The following COL23A1 variants were observed in gnomAD, a reference collection of about 807,000 sequenced individuals.
COL23A1 encodes the protein collagen type XXIII alpha 1 chain, also known as collagen alpha-1(XXIII) chain.
In COL23A1, 97 loss-of-function variants were observed where a neutral mutation model predicts 99.3. The ratio of observed to expected loss-of-function variants is 0.98; its 90% confidence interval spans 0.83 to 1.16. The LOEUF (loss-of-function observed/expected upper bound fraction) is 1.16, where lower values mean the gene tolerates loss of function less well. Ranked by LOEUF, COL23A1 falls within the 50% of genes most tolerant of loss-of-function variation. The pLI, the probability that COL23A1 is intolerant of heterozygous loss-of-function variation, is 0.00. For synonymous variants in COL23A1, 320 were observed against 308.2 expected, an observed-to-expected ratio of 1.04 and a Z score of -0.40; for missense variants, 762 against 757.4, an observed-to-expected ratio of 1.01 and a Z score of -0.07.
intron 27 of COL23A1, among the ~76,000 whole-genome samples, chr5:178,240,279 C>T (rs1392648206): frequency 6.6e-6 from 1 of 152,234 alleles, no homozygotes; most frequent in Non-Finnish European, 1.5e-5. Context: ...CACTGGGCAT[C>T]CCCTGGAATA....
intron 3 of COL23A1, among the ~76,000 whole-genome samples, chr5:178,298,766 G>A (rs1757881088): frequency 6.6e-6 from 1 of 152,162 alleles, no homozygotes; most frequent in Admixed American, 6.5e-5. Flanking sequence ...GAGCAGAATG[G>A]GCCAGGCTAG....
intron 8 of COL23A1, among the ~76,000 whole-genome samples, chr5:178,264,869 C>T (rs959297727): frequency 6.6e-5 from 10 of 152,196 alleles, no homozygotes; most frequent in African/African-American, 2.4e-4. Context: ...TGGTTTCGAA[C>T]TCCTGACCTC....
At chr5:178,345,251 A>T in intron 2 of COL23A1, 1 of 776,678 alleles carries the variant, frequency 1.3e-6, no homozygotes, top group Admixed American at 2.0e-5. Flanking sequence ...TATTCAAGAC[A>T]GACCTAAATT....
At chr5:178,546,795 A>G (rs1341300993) in intron 2 of COL23A1, among the ~76,000 whole-genome samples, 1 of 152,248 alleles carries the variant, frequency 6.6e-6, no homozygotes. Context: ...GACAGAAGGC[A>G]GCCTGAGGCA....
chr5:178,590,091 A>G lies in COL23A1; in HGVS notation c.107T>C (p.Val36Ala). ...GGAGAGCAGCAGGCACAGCGCGCTC[A>G]CCGCCCGGGACCCGGCCGTCGTCGC... ...RSATTAGSRA[V>A]SALCLLLSVG... The change falls in exon 1 of 29, where the codon GTG (valine) becomes GCG (alanine). Residue 36 changes from valine to alanine, a missense_variant. Transcript: ENST00000390654. This position sits in a 1 kb window ranked among gnomAD's most constrained non-coding sequence, Gnocchi z 5.7. The G allele has an allele frequency of 1.6e-6, 2 of 1,282,478 alleles. No homozygotes were observed. The highest frequency in any genetic ancestry group is 9.9e-7 in the Non-Finnish European group (1 of 1,013,546). The allele number at this position is 1,282,478 out of a possible 1,614,324, so 79.4% of individuals were successfully genotyped here. A position where few individuals can be genotyped will look rare whatever the true frequency, so the allele number is the denominator to read the frequency against.
chr5:178,446,536 G>T (rs188105672), intron 2 of COL23A1, among the ~76,000 whole-genome samples: 1 of 151,808 alleles, frequency 6.6e-6, no homozygotes, highest in Admixed American at 6.6e-5. Context: ...CTTTCATTAG[G>T]AGAAAAAATT....
chr5:178,339,595 T>C (rs1760539156), intron 2 of COL23A1, among the ~76,000 whole-genome samples: 4 of 152,130 alleles, frequency 2.6e-5, no homozygotes, highest in Admixed American at 6.5e-5. Context: ...CCAGCTAGCA[T>C]GTGTGGGGGA....
rs993500076 is a variant in COL23A1, at chr5:178,415,249, C to T, written c.362-108330G>A. Among the ~76,000 whole-genome samples the T allele has an allele frequency of 2.0e-5, 3 of 152,188 alleles. No individual in the cohort carries two copies. Among genetic ancestry groups the T allele is most frequent in the Non-Finnish European group, 2.9e-5 (2 of 68,030 alleles). On this transcript the variant is annotated intron_variant, in intron 2 of 28. Coordinates refer to ENST00000390654, the MANE Select transcript of COL23A1 (RefSeq NM_173465.4). This position sits in a 1 kb window ranked among gnomAD's most constrained non-coding sequence, Gnocchi z 4.6. ...TTTCTCCAGTGGGGTCCACATGGTGCCAGTTACAGTGCTCAGTGGGGACGA... is the reference window on the plus strand; with the variant it reads ...TTTCTCCAGTGGGGTCCACATGGTGTCAGTTACAGTGCTCAGTGGGGACGA...
At chr5:178,538,728 C>T (rs1174625899) in intron 2 of COL23A1, among the ~76,000 whole-genome samples, 2 of 152,214 alleles carry the variant, frequency 1.3e-5, no homozygotes, top group Non-Finnish European at 2.9e-5. Flanking sequence ...TCCTAGCTAT[C>T]TACCCAAGAG....
At chr5:178,497,484 A>C (rs1758255464) in intron 2 of COL23A1, among the ~76,000 whole-genome samples, 1 of 152,214 alleles carries the variant, frequency 6.6e-6, no homozygotes, top group African/African-American at 2.4e-5. Context: ...TCATAATCAA[A>C]GATTAACGTG....
chr5:178,545,410 G>A (rs1761527571), intron 2 of COL23A1, among the ~76,000 whole-genome samples: 1 of 152,214 alleles, frequency 6.6e-6, no homozygotes, highest in Non-Finnish European at 1.5e-5. Flanking sequence ...ACCTCACAGG[G>A]AAGGCAGCTC....
intron 7 of COL23A1, among the ~76,000 whole-genome samples, chr5:178,268,128 C>G (rs891988704): frequency 6.6e-6 from 1 of 152,240 alleles, no homozygotes; most frequent in African/African-American, 2.4e-5. Flanking sequence ...CTTCCCATTT[C>G]CAAATTCTGG....
At chr5:178,248,125 G>T in intron 20 of COL23A1, 67 bp downstream of exon 20, 3 of 1,220,152 alleles carry the variant, frequency 2.5e-6, no homozygotes, top group South Asian at 2.7e-5. Flanking sequence ...TTGTCCCAAG[G>T]CTCAGGGTCC....
intron 2 of COL23A1, among the ~76,000 whole-genome samples, chr5:178,523,167 T>C (rs866060311): frequency 3.0e-4 from 33 of 110,904 alleles, no homozygotes; most frequent in African/African-American, 9.9e-4. Flanking sequence ...TATATACATA[T>C]ATATATATAT....
At chr5:178,463,002 G>A (rs1267593056) in intron 2 of COL23A1, among the ~76,000 whole-genome samples, 2 of 152,392 alleles carry the variant, frequency 1.3e-5, no homozygotes, top group African/African-American at 4.8e-5. Context: ...CTGGCACCAT[G>A]TACCTTACCC....
chr5:178,510,255 T>C (rs113177278), intron 2 of COL23A1, among the ~76,000 whole-genome samples: 142 of 152,322 alleles, frequency 9.3e-4, no homozygotes, highest in African/African-American at 3.3e-3. Context: ...AGAACACACA[T>C]TGGCGCCTGG....
intron 2 of COL23A1, among the ~76,000 whole-genome samples, chr5:178,368,197 A>G (rs924203411): frequency 3.9e-5 from 6 of 152,218 alleles, no homozygotes; most frequent in South Asian, 2.1e-4. Flanking sequence ...AACATGGGAA[A>G]TAAATTCCTC....
intron 2 of COL23A1, among the ~76,000 whole-genome samples, chr5:178,499,904 C>G (rs1251119018): frequency 6.6e-6 from 1 of 152,126 alleles, no homozygotes; most frequent in Non-Finnish European, 1.5e-5. Flanking sequence ...AATGCTACAC[C>G]ATGGGTGAAT....
intron 2 of COL23A1, among the ~76,000 whole-genome samples, chr5:178,362,726 G>A (rs1296354872): frequency 6.6e-6 from 1 of 152,154 alleles, no homozygotes; most frequent in Non-Finnish European, 1.5e-5. Context: ...TGCAAGAAAG[G>A]AGTAAGGCTA....
Sources: gnomAD v4.1 joint callset for allele counts (sites outside exome capture counted in the v4.1 genomes callset) on GRCh38, gnomAD v4.1.1 for gene constraint, Gnocchi (gnomAD v3.1) non-coding constraint, MANE v1.5 for transcripts, NCBI Gene and HGNC (gene_info 2026-07-23, HGNC 2026-07-21) for gene names.